The following ZNF215 variants were observed in gnomAD, a reference collection of about 807,000 sequenced individuals.
The protein encoded by ZNF215 is BWSCR2-associated zinc finger protein 2.
In ZNF215, 24 loss-of-function variants were observed where a neutral mutation model predicts 27.2. The observed-to-expected ratio is 0.88, with a 90% CI of 0.64 to 1.24. ZNF215 has a LOEUF of 1.24. Ranked by LOEUF, ZNF215 falls within the 50% of genes most tolerant of loss-of-function variation. The pLI, the probability that ZNF215 is intolerant of heterozygous loss-of-function variation, is 0.00. For synonymous variants in ZNF215, 210 were observed against 204.0 expected, an observed-to-expected ratio of 1.03 and a Z score of -0.25; for missense variants, 675 against 605.7, an observed-to-expected ratio of 1.11 and a Z score of -1.20.
At chr11:6,943,247 T>G in intron 5 of ZNF215, 32 bp downstream of exon 5, 2 of 1,586,514 alleles carry the variant, frequency 1.3e-6, no homozygotes, top group Admixed American at 1.8e-5. Context: ...AATCTGTCCA[T>G]TTAGTAATCT....
chr11:6,977,068 T>C (rs1283356429), intron 5 of ZNF215, among the ~76,000 whole-genome samples: 1 of 152,040 alleles, frequency 6.6e-6, no homozygotes, highest in Non-Finnish European at 1.5e-5. Context: ...TGTGTGAAGT[T>C]GATAGGGACT....
At chr11:6,961,056 C>T (rs1263151870), downstream of ZNF215, among the ~76,000 whole-genome samples, 1 of 152,094 alleles carries the variant, frequency 6.6e-6, no homozygotes, top group Non-Finnish European at 1.5e-5. Context: ...ATAGGTTACT[C>T]TTCTGGTGAT....
At chr11:6,951,500 G>T (rs1005769468) in intron 6 of ZNF215, among the ~76,000 whole-genome samples, 5 of 152,166 alleles carry the variant, frequency 3.3e-5, no homozygotes, top group Non-Finnish European at 7.3e-5. Flanking sequence ...ATTTCTTCTA[G>T]ATTTTCTAGT....
chr11:6,986,047 A>G (rs989020296), downstream of ZNF215, among the ~76,000 whole-genome samples: 2 of 152,164 alleles, frequency 1.3e-5, no homozygotes, highest in Non-Finnish European at 2.9e-5. Flanking sequence ...AATGGAACCA[A>G]AAAAGATCTC....
At chr11:6,944,706 T>C (rs2857886) in intron 6 of ZNF215, among the ~76,000 whole-genome samples, 1 of 152,100 alleles carries the variant, frequency 6.6e-6, no homozygotes, top group African/African-American at 2.4e-5. Flanking sequence ...TAACATTTTT[T>C]AAGCCATTTT....
At chr11:6,934,645 A>G (rs1849374448) in intron 3 of ZNF215, among the ~76,000 whole-genome samples, 1 of 152,144 alleles carries the variant, frequency 6.6e-6, no homozygotes, top group Non-Finnish European at 1.5e-5. Context: ...TTGCTCACTC[A>G]TGGTGCTTCT....
intron 5 of ZNF215, among the ~76,000 whole-genome samples, chr11:6,981,740 A>G (rs1850957351): frequency 6.6e-6 from 1 of 152,144 alleles, no homozygotes; most frequent in African/African-American, 2.4e-5. Flanking sequence ...TTATGGTTTT[A>G]GGTCTAACGT....
intron 5 of ZNF215, among the ~76,000 whole-genome samples, chr11:6,978,531 G>A (rs1850880366): frequency 6.6e-6 from 1 of 152,080 alleles, no homozygotes; most frequent in East Asian, 1.9e-4. Context: ...ACAGCATACT[G>A]ATGTCTCTAG....
intron 5 of ZNF215, among the ~76,000 whole-genome samples, chr11:6,983,235 A>G (rs1340185385): frequency 6.6e-6 from 1 of 152,200 alleles, no homozygotes; most frequent in African/African-American, 2.4e-5. Context: ...GAATAGACCA[A>G]TAACAGGCTC....
intron 5 of ZNF215, among the ~76,000 whole-genome samples, chr11:6,976,362 G>C (rs570374229): frequency 1.3e-5 from 2 of 152,126 alleles, no homozygotes; most frequent in South Asian, 4.2e-4. Context: ...GACCAAGGAT[G>C]CTAAAAATAA....
intron 5 of ZNF215, chr11:6,984,116 T>G (rs1851015074): frequency 2.4e-6 from 1 of 417,082 alleles, no homozygotes; most frequent in African/African-American, 2.1e-5. Context: ...CCTTAAATTT[T>G]TTTTTTTTTC....
At chr11:6,958,101 A>G (rs1850437860), downstream of ZNF215, 1 of 972,950 alleles carries the variant, frequency 1.0e-6, no homozygotes, top group Non-Finnish European at 1.2e-6. Context: ...AAAGCCCTAC[A>G]TAAGTAATTG....
downstream of ZNF215, among the ~76,000 whole-genome samples, chr11:6,958,770 C>T (rs1327622033): frequency 5.3e-5 from 8 of 152,112 alleles, no homozygotes; most frequent in East Asian, 1.9e-4. Context: ...AAGCTGACAG[C>T]GCAGCCTTCA....
downstream of ZNF215, chr11:6,958,047 ATGTT>A (rs1850436429): frequency 3.0e-6 from 3 of 985,408 alleles, no homozygotes; most frequent in Non-Finnish European, 3.6e-6. Flanking sequence ...GTCAAAATCT[ATGTT>A]TGTTCATCCT....
At chr11:6,946,571 T>C (rs187480541) in intron 6 of ZNF215, among the ~76,000 whole-genome samples, 14 of 152,316 alleles carry the variant, frequency 9.2e-5, no homozygotes, top group Middle Eastern at 6.8e-3. Context: ...GCTTTTGACA[T>C]AGGACACTCT....
chr11:6,945,239 C>A (rs905399354), intron 6 of ZNF215, among the ~76,000 whole-genome samples: 1 of 152,090 alleles, frequency 6.6e-6, no homozygotes, highest in Non-Finnish European at 1.5e-5. Flanking sequence ...CCTCGGTCCC[C>A]GCTCCCATTG....
chr11:6,962,148 G>C (rs1301925839), downstream of ZNF215, among the ~76,000 whole-genome samples: 2 of 152,070 alleles, frequency 1.3e-5, no homozygotes, highest in African/African-American at 2.4e-5. Context: ...TAGTAATAAG[G>C]GTTTTTTTTT....
intron 3 of ZNF215, among the ~76,000 whole-genome samples, chr11:6,938,136 C>G (rs1350290046): frequency 3.3e-5 from 5 of 151,860 alleles, no homozygotes; most frequent in Non-Finnish European, 7.4e-5. Flanking sequence ...AGAACTCTTA[C>G]AATTCAATAA....
At chr11:6,989,157 A>C (rs1181982229), downstream of ZNF215, among the ~76,000 whole-genome samples, 2 of 105,714 alleles carry the variant, frequency 1.9e-5, no homozygotes, top group African/African-American at 6.0e-5. Context: ...TCTCAAAAAA[A>C]AAAAAAAAAA....
Sources: gnomAD v4.1 joint callset for allele counts (sites outside exome capture counted in the v4.1 genomes callset) on GRCh38, gnomAD v4.1.1 for gene constraint, MANE v1.5 for transcripts, NCBI Gene and HGNC (gene_info 2026-07-23, HGNC 2026-07-21) for gene names.